SLIT3: variants seen among roughly 807,000 people sequenced by gnomAD.
The protein encoded by SLIT3 is slit homolog 3 protein.
Under a neutral mutation model 184.0 loss-of-function variants are expected in SLIT3, and 68 were observed. The ratio of observed to expected loss-of-function variants is 0.37; its 90% CI spans 0.30 to 0.45. The LOEUF is 0.45. Among genes scored for constraint, SLIT3 ranks in the 20% least tolerant of loss-of-function variants. The pLI is 1.00. For missense variants in SLIT3, 1,707 were observed against 2,026.0 expected (o/e 0.84, Z 3.02); for synonymous variants, 831 against 828.6 (o/e 1.00, Z -0.05).
At chr5:168,941,199 CTT>C (rs1463758194) in intron 4 of SLIT3, among the ~76,000 whole-genome samples, 1 of 152,124 alleles carries the variant, frequency 6.6e-6, no homozygotes, top group Non-Finnish European at 1.5e-5. Context: ...GGATTGATGA[CTT>C]TCTTGTCTCC....
chr5:169,031,055 T>C (rs1757008971), intron 4 of SLIT3, among the ~76,000 whole-genome samples: 1 of 152,204 alleles, frequency 6.6e-6, no homozygotes, highest in Admixed American at 6.5e-5. Flanking sequence ...TGACAGGTCC[T>C]CATTTCCTGT....
At chr5:168,879,048 G>A (rs73310260) in intron 5 of SLIT3, among the ~76,000 whole-genome samples, 9,938 of 152,172 alleles carry the variant, frequency 0.065, 492 homozygotes, top group East Asian at 0.21. Context: ...AAATGTCAGC[G>A]CAAGCAAAGA....
At chr5:168,773,985 C>G (rs1755653590) in intron 13 of SLIT3, among the ~76,000 whole-genome samples, 1 of 152,180 alleles carries the variant, frequency 6.6e-6, no homozygotes, top group African/African-American at 2.4e-5. Context: ...GAGATAGTAA[C>G]AGCACCAAGT....
intron 6 of SLIT3, among the ~76,000 whole-genome samples, chr5:168,826,150 C>T (rs1028264282): frequency 3.9e-5 from 6 of 152,156 alleles, no homozygotes; most frequent in Admixed American, 2.0e-4. Flanking sequence ...AGTCCAGCAG[C>T]GATGACTTAT....
chr5:168,913,878 C>T (rs1194911199), intron 4 of SLIT3, among the ~76,000 whole-genome samples: 2 of 152,148 alleles, frequency 1.3e-5, no homozygotes, highest in East Asian at 1.9e-4. Context: ...ATATATCTTT[C>T]TTAAAAATGT....
chr5:168,959,490 CTG>C (rs1762938001), intron 4 of SLIT3, among the ~76,000 whole-genome samples: 2 of 152,186 alleles, frequency 1.3e-5, no homozygotes, highest in South Asian at 4.1e-4. Flanking sequence ...TTGTCTGCGT[CTG>C]TGCAGGATAA....
intron 4 of SLIT3, among the ~76,000 whole-genome samples, chr5:168,936,375 C>T (rs1762158871): frequency 6.6e-6 from 1 of 152,192 alleles, no homozygotes. Flanking sequence ...GCTGGGATTA[C>T]ATGCGCACAC....
At chr5:169,054,620 T>A (rs1051756833) in intron 4 of SLIT3, among the ~76,000 whole-genome samples, 4 of 152,152 alleles carry the variant, frequency 2.6e-5, no homozygotes, top group African/African-American at 9.7e-5. Context: ...TTTATAATTA[T>A]TTCAAAGTAA....
chr5:169,083,793 C>T (rs1191136111), intron 4 of SLIT3, among the ~76,000 whole-genome samples: 1 of 152,146 alleles, frequency 6.6e-6, no homozygotes, highest in Non-Finnish European at 1.5e-5. Context: ...CAATTCTCAG[C>T]ACCCCAGGGG....
chr5:169,105,488 G>A (rs1037237113), intron 4 of SLIT3, among the ~76,000 whole-genome samples: 2 of 152,204 alleles, frequency 1.3e-5, no homozygotes, highest in Non-Finnish European at 2.9e-5. Context: ...GAACACACTC[G>A]TCCAAAGTCA....
intron 2 of SLIT3, among the ~76,000 whole-genome samples, 172 bp from the exon 3 acceptor site, chr5:169,244,948 C>T (rs1252199887): frequency 6.6e-6 from 1 of 152,184 alleles, no homozygotes; most frequent in Admixed American, 6.5e-5. Context: ...CTTGGTGTCA[C>T]GGTAACCAGG....
chr5:168,857,373 TTTTTGTTTTG>T lies in SLIT3; in HGVS notation c.486-12728_486-12719del, dbSNP rs71593196. 2.9e-3 allele frequency among the ~76,000 whole-genome samples: 443 copies of T among 150,930 alleles called. 2 individuals are homozygous for T. The highest frequency in any genetic ancestry group is 7.1e-3 in the East Asian group (36 of 5,066). ...TCATTTGCCAGCAGTAGAGTTTTTG[TTTTTGTTTTG>T]TTTTGTTTTGTTTTGTTTTGTTTTA... is the stretch of plus-strand genomic sequence containing the variant. On this transcript the variant is annotated intron_variant, in intron 5 of 35. Coordinates refer to ENST00000519560, the MANE Select transcript of SLIT3 (RefSeq NM_003062.4).
At chr5:168,715,589 C>T (rs1339131346) in intron 23 of SLIT3, among the ~76,000 whole-genome samples, 4 of 152,220 alleles carry the variant, frequency 2.6e-5, no homozygotes, top group African/African-American at 9.7e-5. Context: ...CATCAGGACC[C>T]TCTGTGTCTT....
chr5:168,847,132 A>G (rs1185264725), intron 5 of SLIT3, among the ~76,000 whole-genome samples: 1 of 152,246 alleles, frequency 6.6e-6, no homozygotes, highest in African/African-American at 2.4e-5. Flanking sequence ...TGACGTTTAA[A>G]TATTTTCAGT....
rs1308990740 is a variant in SLIT3, at chr5:168,710,950, C to G, written c.2664G>C (p.Glu888Asp). The G allele has an allele frequency of 6.4e-7, 1 of 1,566,058 alleles. No individual in the cohort carries two copies. Among genetic ancestry groups the G allele is most frequent in the Non-Finnish European group, 8.7e-7 (1 of 1,154,656 alleles). The change falls in exon 25 of 36, where the codon GAG becomes GAC. Residue 888 changes from glutamate to aspartate, a missense_variant. By Grantham distance (45) the Glu-to-Asp change is conservative (BLOSUM62 2). Coordinates refer to ENST00000519560, the MANE Select transcript of SLIT3 (RefSeq NM_003062.4). ...EPGIARCSSP[E>D]PMADRLLLTT... ...TGAGCAGGAGCCTGTCAGCCATGGG[C>G]TCAGGGCTACTGCAGCGGGCGATGC...
At chr5:168,958,827 C>T (rs1442385349) in intron 4 of SLIT3, among the ~76,000 whole-genome samples, 1 of 152,226 alleles carries the variant, frequency 6.6e-6, no homozygotes, top group Non-Finnish European at 1.5e-5. Flanking sequence ...CATCCTTCTC[C>T]CTCCCAATAC....
At chr5:168,871,648 T>C (rs533642166) in intron 5 of SLIT3, among the ~76,000 whole-genome samples, 10 of 152,210 alleles carry the variant, frequency 6.6e-5, no homozygotes, top group African/African-American at 2.2e-4. Context: ...AAATATGACT[T>C]TTTTTGGGGG....
chr5:169,195,489 A>G (rs533003406), intron 3 of SLIT3, among the ~76,000 whole-genome samples: 1 of 152,198 alleles, frequency 6.6e-6, no homozygotes, highest in African/African-American at 2.4e-5. Flanking sequence ...AAGTTGGATA[A>G]GATAAGCTCT....
chr5:169,005,866 G>A (rs1755904426), intron 4 of SLIT3, among the ~76,000 whole-genome samples: 1 of 152,246 alleles, frequency 6.6e-6, no homozygotes, highest in Non-Finnish European at 1.5e-5. Flanking sequence ...CTATGTTATT[G>A]CTCAAGGTTG....
Sources: gnomAD v4.1 joint callset for allele counts (sites outside exome capture counted in the v4.1 genomes callset) on GRCh38, gnomAD v4.1.1 for gene constraint, MANE v1.5 for transcripts, NCBI Gene and HGNC (gene_info 2026-07-23, HGNC 2026-07-21) for gene names.